The following PTPRM variants were observed in gnomAD, a reference collection of about 807,000 sequenced individuals.
The protein encoded by PTPRM is receptor-type tyrosine-protein phosphatase mu.
PTPRM carries 47 observed loss-of-function variants against 186.7 expected under a neutral mutation model. That is an observed-to-expected ratio of 0.25 (90% CI 0.20 to 0.32). The LOEUF is 0.32. Ranked by LOEUF, PTPRM falls within the 10% of genes least tolerant of loss-of-function variation. The probability of loss-of-function intolerance (pLI) is 1.00; values close to 1 mark genes in which losing one functional copy is unlikely to be tolerated. For synonymous variants in PTPRM, 668 were observed against 674.9 expected (o/e 0.99, Z 0.16); for missense variants, 1,494 against 1,865.0 (o/e 0.80, Z 3.66).
chr18:7,797,730 C>T (rs552736011), intron 2 of PTPRM, among the ~76,000 whole-genome samples: 3 of 151,914 alleles, frequency 2.0e-5, no homozygotes, highest in South Asian at 4.1e-4. Context: ...CCTGGAACAT[C>T]GAGTTCCTAG....
intron 8 of PTPRM, among the ~76,000 whole-genome samples, chr18:8,071,502 T>C (rs1231396528): frequency 3.3e-5 from 5 of 152,242 alleles, no homozygotes; most frequent in African/African-American, 1.2e-4. Flanking sequence ...TCATCTTGGC[T>C]GTCTCTCTAC....
intron 7 of PTPRM, among the ~76,000 whole-genome samples, chr18:8,050,285 G>A (rs140423962): frequency 5.3e-5 from 8 of 152,202 alleles, no homozygotes; most frequent in African/African-American, 1.2e-4. Context: ...GCTTTATTTC[G>A]GTCAGACGAT....
At chr18:8,289,160 A>G (rs117434218) in intron 19 of PTPRM, among the ~76,000 whole-genome samples, 3,319 of 152,068 alleles carry the variant, frequency 0.022, 50 homozygotes, top group Non-Finnish European at 0.033. Context: ...GAGCCACTCA[A>G]TGTCTTTCAT....
chr18:8,166,558 C>T (rs990025311), intron 14 of PTPRM, among the ~76,000 whole-genome samples: 8 of 152,132 alleles, frequency 5.3e-5, no homozygotes, highest in African/African-American at 1.9e-4. Context: ...AATAATAACA[C>T]ATCCATGAAC....
At chr18:7,573,951 G>A (rs1225154530) in intron 1 of PTPRM, among the ~76,000 whole-genome samples, 2 of 152,146 alleles carry the variant, frequency 1.3e-5, no homozygotes, top group East Asian at 1.9e-4. Context: ...TACATTGAAA[G>A]TTGTTAGACT....
intron 2 of PTPRM, among the ~76,000 whole-genome samples, chr18:7,775,087 C>T (rs921854566): frequency 6.6e-6 from 1 of 152,198 alleles, no homozygotes; most frequent in Non-Finnish European, 1.5e-5. Flanking sequence ...ATTAATGCTC[C>T]AAAGCGTAGG....
At chr18:7,862,097 G>C (rs567296024) in intron 2 of PTPRM, among the ~76,000 whole-genome samples, 1 of 152,208 alleles carries the variant, frequency 6.6e-6, no homozygotes, top group Non-Finnish European at 1.5e-5. Flanking sequence ...GGAGTCTACA[G>C]ACCTCTTTTC....
chr18:7,694,873 T>TA (rs1160844693), intron 1 of PTPRM, among the ~76,000 whole-genome samples: 9 of 151,856 alleles, frequency 5.9e-5, no homozygotes, highest in Non-Finnish European at 1.3e-4. Context: ...AAATTGAAGT[T>TA]AAAAAAAAGT....
At chr18:7,742,807 T>C (rs1255725993) in intron 1 of PTPRM, among the ~76,000 whole-genome samples, 3 of 152,212 alleles carry the variant, frequency 2.0e-5, no homozygotes, top group Non-Finnish European at 4.4e-5. Flanking sequence ...CAGCCAGAAG[T>C]ATGAGAAATA....
chr18:8,349,676 G>T (rs570553682), intron 23 of PTPRM, among the ~76,000 whole-genome samples: 1 of 152,294 alleles, frequency 6.6e-6, no homozygotes, highest in African/African-American at 2.4e-5. Flanking sequence ...AACTAAGCTT[G>T]TCCATTCATC....
intron 1 of PTPRM, among the ~76,000 whole-genome samples, chr18:7,751,721 C>T (rs966711660): frequency 2.6e-5 from 4 of 152,182 alleles, no homozygotes; most frequent in African/African-American, 4.8e-5. Context: ...CCCATCTTTT[C>T]GGTGTGACCT....
intron 14 of PTPRM, among the ~76,000 whole-genome samples, chr18:8,237,828 G>A (rs763263011): frequency 9.9e-5 from 15 of 152,224 alleles, no homozygotes; most frequent in East Asian, 3.9e-4. Flanking sequence ...CAGAATTCTA[G>A]GTTGGTGGCT....
At chr18:7,953,010 C>T (rs987567865) in intron 6 of PTPRM, among the ~76,000 whole-genome samples, 10 of 152,136 alleles carry the variant, frequency 6.6e-5, no homozygotes, top group South Asian at 6.2e-4. Flanking sequence ...TGTCTAAAAA[C>T]GAAAATTTAA....
intron 3 of PTPRM, among the ~76,000 whole-genome samples, chr18:7,899,378 T>TG (rs2049538751): frequency 6.6e-6 from 1 of 152,180 alleles, no homozygotes; most frequent in African/African-American, 2.4e-5. Context: ...TATTGATTTT[T>TG]GGGGGTTACA....
intron 13 of PTPRM, among the ~76,000 whole-genome samples, chr18:8,118,753 T>A (rs1299756992): frequency 6.7e-6 from 1 of 149,728 alleles, no homozygotes; most frequent in Non-Finnish European, 1.5e-5. Flanking sequence ...TGAGCTGAGA[T>A]TGCACCATTG....
chr18:7,992,434 C>T (rs2083313575), intron 7 of PTPRM, among the ~76,000 whole-genome samples: 1 of 152,086 alleles, frequency 6.6e-6, no homozygotes, highest in Non-Finnish European at 1.5e-5. Flanking sequence ...TTCCTTTGTA[C>T]ACTTAAATGG....
At chr18:8,065,054 G>A (rs2088954092) in intron 7 of PTPRM, among the ~76,000 whole-genome samples, 2 of 152,040 alleles carry the variant, frequency 1.3e-5, no homozygotes, top group Non-Finnish European at 1.5e-5. Flanking sequence ...CCTGTTAGTG[G>A]GAGCATTGGT....
At chr18:8,214,848 A>T (rs1235578179) in intron 14 of PTPRM, among the ~76,000 whole-genome samples, 1 of 152,146 alleles carries the variant, frequency 6.6e-6, no homozygotes. Context: ...TTTTTAGTAG[A>T]GATGGGGTTT....
chr18:8,303,850 G>A (rs934296579), intron 20 of PTPRM, among the ~76,000 whole-genome samples: 3 of 152,164 alleles, frequency 2.0e-5, no homozygotes, highest in Admixed American at 6.5e-5. Context: ...CATCTCCACC[G>A]GGTAAGGCGC....
Sources: gnomAD v4.1 joint callset for allele counts (sites outside exome capture counted in the v4.1 genomes callset) on GRCh38, gnomAD v4.1.1 for gene constraint, MANE v1.5 for transcripts, NCBI Gene and HGNC (gene_info 2026-07-23, HGNC 2026-07-21) for gene names.